The following RAB10 variants were observed in gnomAD, a reference collection of about 807,000 sequenced individuals.
RAB10 encodes the protein ras-related protein Rab-10.
RAB10 carries 5 observed loss-of-function variants against 25.7 expected under a neutral mutation model. The observed-to-expected ratio is 0.19, with a 90% CI of 0.10 to 0.41. The LOEUF (loss-of-function observed/expected upper bound fraction) is 0.41. RAB10 is among the 10% of genes least tolerant of loss of function. The pLI is 1.00. For missense variants in RAB10, 103 were observed against 245.8 expected (o/e 0.42, Z 3.89); for synonymous variants, 89 against 86.4 (o/e 1.03, Z -0.16).
At chr2:26,052,299 C>T (rs10187015) in intron 1 of RAB10, among the ~76,000 whole-genome samples, 5,172 of 151,654 alleles carry the variant, frequency 0.034, 291 homozygotes, top group African/African-American at 0.12. Flanking sequence ...TGTAGGTAGA[C>T]TGCTTGAGCC....
intron 1 of RAB10, among the ~76,000 whole-genome samples, chr2:26,079,219 G>T (rs1162453654): frequency 6.6e-6 from 1 of 151,460 alleles, no homozygotes; most frequent in South Asian, 2.1e-4. Flanking sequence ...ATACTGTAAG[G>T]CTAAAGATAA....
chr2:26,065,228 A>C (rs900899872), intron 1 of RAB10, among the ~76,000 whole-genome samples: 2 of 152,068 alleles, frequency 1.3e-5, no homozygotes, highest in African/African-American at 4.8e-5. Context: ...AAAAAGAAAA[A>C]GAAAAAAAAA....
At position 26,127,133 on chromosome 2, in the gene RAB10, T is replaced by C. The variant is rs1667923462; in HGVS notation, c.328-11T>C. ...GGTAGTATGTAAAAGTAAAATTTTA[T>C]TTCATTTTAGCATGCCAATGAAGAT... On this transcript the variant is annotated splice_polypyrimidine_tract_variant and intron_variant, in intron 3 of 5. Coordinates refer to ENST00000264710, the MANE Select transcript of RAB10 (RefSeq NM_016131.5). The C allele has an allele frequency of 6.3e-7, 1 of 1,582,482 alleles. No individual in the cohort carries two copies. The highest frequency in any genetic ancestry group is 8.6e-7 in the Non-Finnish European group (1 of 1,166,120).
intron 2 of RAB10, among the ~76,000 whole-genome samples, chr2:26,103,304 A>G (rs965238900): frequency 1.3e-5 from 2 of 152,246 alleles, no homozygotes; most frequent in African/African-American, 4.8e-5. Flanking sequence ...AGATATGAAA[A>G]GATTTTGAGA....
intron 3 of RAB10, among the ~76,000 whole-genome samples, chr2:26,112,921 A>G (rs562279931): frequency 3.7e-4 from 56 of 152,112 alleles, no homozygotes; most frequent in Non-Finnish European, 7.2e-4. Flanking sequence ...TCTCTATGAA[A>G]AACACAAAAA....
At chr2:26,059,047 T>A (rs1666329833) in intron 1 of RAB10, among the ~76,000 whole-genome samples, 1 of 152,270 alleles carries the variant, frequency 6.6e-6, no homozygotes, top group Non-Finnish European at 1.5e-5. Context: ...ATTTAATATC[T>A]GTTTCTAGTG....
intron 2 of RAB10, among the ~76,000 whole-genome samples, chr2:26,108,423 G>A (rs1667508359): frequency 6.6e-6 from 1 of 152,150 alleles, no homozygotes; most frequent in Non-Finnish European, 1.5e-5. Flanking sequence ...CATACTACAT[G>A]ATTCCACTTA....
At chr2:26,097,643 T>G (rs1355414650) in intron 1 of RAB10, among the ~76,000 whole-genome samples, 1 of 152,200 alleles carries the variant, frequency 6.6e-6, no homozygotes. Context: ...TGATACATAC[T>G]CAGTCTGCAC....
intron 3 of RAB10, among the ~76,000 whole-genome samples, chr2:26,111,697 G>A (rs1204841425): frequency 6.6e-6 from 1 of 151,988 alleles, no homozygotes; most frequent in Non-Finnish European, 1.5e-5. Context: ...GTAGTCTGTA[G>A]TAAGAGCAGT....
chr2:26,064,065 CT>C (rs1666463863), intron 1 of RAB10, among the ~76,000 whole-genome samples: 1 of 152,082 alleles, frequency 6.6e-6, no homozygotes, highest in African/African-American at 2.4e-5. Context: ...GTGGTAATGT[CT>C]TTCTCAATTC....
intron 3 of RAB10, among the ~76,000 whole-genome samples, chr2:26,116,682 G>A (rs1260092839): frequency 4.7e-5 from 7 of 148,626 alleles, no homozygotes; most frequent in South Asian, 4.4e-4. Flanking sequence ...TCAGCCTCCC[G>A]AGTAGCTGGG....
chr2:26,130,924 A>G (rs918057463), intron 5 of RAB10, among the ~76,000 whole-genome samples: 3 of 152,062 alleles, frequency 2.0e-5, no homozygotes, highest in African/African-American at 7.2e-5. Flanking sequence ...GACCTAGTGA[A>G]ACGCTCTTGT....
chr2:26,084,184 A>C (rs764365633), intron 1 of RAB10, among the ~76,000 whole-genome samples: 2 of 152,200 alleles, frequency 1.3e-5, no homozygotes, highest in East Asian at 3.8e-4. Flanking sequence ...TCTTTGCTCA[A>C]ATATCTCTCA....
chr2:26,078,634 A>G (rs1034027012), intron 1 of RAB10, among the ~76,000 whole-genome samples: 2 of 152,186 alleles, frequency 1.3e-5, no homozygotes, highest in Non-Finnish European at 2.9e-5. Context: ...CGGAAAAAGT[A>G]TGAAGAAATA....
intron 2 of RAB10, among the ~76,000 whole-genome samples, chr2:26,108,579 G>C (rs1481432456): frequency 6.7e-6 from 1 of 150,206 alleles, no homozygotes; most frequent in Non-Finnish European, 1.5e-5. Context: ...AAATTGTAGA[G>C]AACTATATAT....
chr2:26,115,536 A>G (rs1667665154), intron 3 of RAB10, among the ~76,000 whole-genome samples: 1 of 152,210 alleles, frequency 6.6e-6, no homozygotes. Context: ...TGACAAAAAC[A>G]TAGAGACAGA....
At chr2:26,123,674 A>G (rs1372761193) in intron 3 of RAB10, among the ~76,000 whole-genome samples, 2 of 152,242 alleles carry the variant, frequency 1.3e-5, no homozygotes, top group Admixed American at 1.3e-4. Context: ...GCAAAGAAGT[A>G]GTGCCAGAAA....
chr2:26,082,023 G>A (rs1407542560), intron 1 of RAB10, among the ~76,000 whole-genome samples: 4 of 151,964 alleles, frequency 2.6e-5, no homozygotes, highest in East Asian at 3.9e-4. Context: ...GACAGGAAAT[G>A]GTAAAAATGT....
At chr2:26,098,059 C>A (rs542564368) in intron 1 of RAB10, among the ~76,000 whole-genome samples, 23 of 149,156 alleles carry the variant, frequency 1.5e-4, no homozygotes, top group Non-Finnish European at 2.7e-4. Context: ...TTTCTTATAT[C>A]CTAATTTGTA....
Sources: allele counts gnomAD v4.1 joint callset (sites outside exome capture counted in the v4.1 genomes callset), GRCh38; gene constraint gnomAD v4.1.1; transcripts MANE v1.5; gene names NCBI Gene and HGNC (gene_info 2026-07-23, HGNC 2026-07-21).